The following ADAMTSL1 variants were observed in gnomAD, a reference collection of about 807,000 sequenced individuals.
ADAMTSL1 encodes the protein ADAMTS like 1.
Under a neutral mutation model 201.8 loss-of-function variants are expected in ADAMTSL1, and 126 were observed. That is an observed-to-expected ratio of 0.62 (90% CI 0.54 to 0.72). The LOEUF is 0.72. ADAMTSL1 is among the 30% of genes least tolerant of loss of function. The probability of loss-of-function intolerance (pLI) is 0.00; values close to 1 mark genes in which losing one functional copy is unlikely to be tolerated. For synonymous variants in ADAMTSL1, 1,121 were observed against 903.4 expected (o/e 1.24, Z -4.32); for missense variants, 2,679 against 2,277.8 (o/e 1.18, Z -3.59).
chr9:18,680,475 A>G lies in ADAMTSL1; in HGVS notation c.1300A>G (p.Ile434Val), dbSNP rs1830402299. The G allele has an allele frequency of 2.5e-6, 4 of 1,614,106 alleles. No individual in the cohort carries two copies. The highest frequency in any genetic ancestry group is 3.4e-6 in the Non-Finnish European group (4 of 1,180,020). Residue 434 changes from isoleucine to valine, a missense_variant, in exon 11 of 29, where the codon ATT (isoleucine) becomes GTT (valine). Physicochemically the swap from Ile to Val is conservative, Grantham distance 29. Transcript: ENST00000380548. The part of the protein sequence containing the change: ...PKMPIAQPCN[I>V]FDCPKWLAQE... ...GATGCCCATCGCGCAGCCCTGCAAC[A>G]TTTTTGACTGCCCTAAATGGCTGGC...
At chr9:18,503,841 A>C (rs949038478) in intron 1 of ADAMTSL1, among the ~76,000 whole-genome samples, 1 of 152,176 alleles carries the variant, frequency 6.6e-6, no homozygotes, top group Non-Finnish European at 1.5e-5. Context: ...AGGAGTAGTC[A>C]GTTTAATAAC....
In ADAMTSL1 at chr9:18,857,568, T is replaced by C. The variant is rs191267628; in HGVS notation, c.4249+27591T>C. 3.8e-3 allele frequency among the ~76,000 whole-genome samples: 578 copies of C among 152,338 alleles called. 4 individuals carry two copies. The highest frequency in any genetic ancestry group is 0.013 in the African/African-American group (526 of 41,564). Reference sequence around the variant, plus strand: ...CTTCTTATCACACCCAATCACATGATTATGATTTCCTTTATACCATGACTG... The same window carrying C: ...CTTCTTATCACACCCAATCACATGACTATGATTTCCTTTATACCATGACTG... On this transcript the variant is annotated intron_variant, in intron 23 of 28. Coordinates refer to ENST00000380548, the MANE Select transcript of ADAMTSL1 (RefSeq NM_001040272.6).
intron 2 of ADAMTSL1, among the ~76,000 whole-genome samples, chr9:18,206,017 G>T (rs1264832113): frequency 1.7e-5 from 2 of 117,638 alleles, no homozygotes; most frequent in Admixed American, 1.2e-4. Flanking sequence ...TCACGTCATT[G>T]CACCTCACCC....
At chr9:18,219,189 C>G (rs560332668) in intron 2 of ADAMTSL1, among the ~76,000 whole-genome samples, 6 of 151,750 alleles carry the variant, frequency 4.0e-5, no homozygotes, top group Admixed American at 2.6e-4. Context: ...TTTTTTAACT[C>G]TTCAATTTGG....
At chr9:18,434,653 C>T (rs567485145) in intron 2 of ADAMTSL1, among the ~76,000 whole-genome samples, 2 of 152,284 alleles carry the variant, frequency 1.3e-5, no homozygotes, top group South Asian at 2.1e-4. Flanking sequence ...CATCTCTATC[C>T]TGAAGACAGA....
At chr9:18,490,307 G>A (rs572921417) in intron 1 of ADAMTSL1, among the ~76,000 whole-genome samples, 17 of 152,200 alleles carry the variant, frequency 1.1e-4, no homozygotes, top group African/African-American at 4.1e-4. Flanking sequence ...AGCAGAATAG[G>A]TGGCAGAGGC....
At chr9:18,009,990 C>T (rs1466539010) in intron 1 of ADAMTSL1, among the ~76,000 whole-genome samples, 2 of 152,016 alleles carry the variant, frequency 1.3e-5, no homozygotes, top group African/African-American at 2.4e-5. Context: ...GAAGAAACTT[C>T]GAACCCATGC....
At chr9:18,639,229 C>T in intron 6 of ADAMTSL1, 25 bp from the exon 7 acceptor site, 1 of 1,611,362 alleles carries the variant, frequency 6.2e-7, no homozygotes. Context: ...ATCTTTCTCT[C>T]ATCTTCACGT....
chr9:18,775,455 G>C (rs1299096440), intron 17 of ADAMTSL1, among the ~76,000 whole-genome samples: 3 of 152,250 alleles, frequency 2.0e-5, no homozygotes, highest in African/African-American at 7.2e-5. Context: ...GTGAAATACT[G>C]AGCTGGGATT....
rs144854142 is a variant in ADAMTSL1 at position 17,969,781 on chromosome 9, T to C, written c.87+62859T>C. Reference sequence around the variant, plus strand: ...GATAATTTTTGAAGTCTAAAATTTATAAAATATTATTTCCATTAGGCCAGT... The same window carrying C: ...GATAATTTTTGAAGTCTAAAATTTACAAAATATTATTTCCATTAGGCCAGT... On this transcript the variant is annotated intron_variant, in intron 1 of 29. Coordinates refer to the ADAMTSL1 transcript ENST00000680146. Among the ~76,000 whole-genome samples, 592 of 152,202 alleles carry C rather than the reference T, an allele frequency of 3.9e-3. 7 individuals are homozygous for C. Among genetic ancestry groups the C allele is most frequent in the East Asian group, 0.016 (84 of 5,180 alleles).
At chr9:18,854,506 G>A (rs1443687264) in intron 23 of ADAMTSL1, among the ~76,000 whole-genome samples, 1 of 152,194 alleles carries the variant, frequency 6.6e-6, no homozygotes, top group Admixed American at 6.5e-5. Flanking sequence ...GGAGATGGGT[G>A]TGAGGAAGAC....
chr9:18,349,438 C>T (rs1343013405), intron 2 of ADAMTSL1, among the ~76,000 whole-genome samples: 1 of 152,112 alleles, frequency 6.6e-6, no homozygotes, highest in Admixed American at 6.6e-5. Flanking sequence ...CAAATGCTGC[C>T]TCTGTGTCTT....
chr9:17,928,735 T>G (rs1037081138), intron 1 of ADAMTSL1, among the ~76,000 whole-genome samples: 1 of 152,134 alleles, frequency 6.6e-6, no homozygotes, highest in Non-Finnish European at 1.5e-5. Context: ...CAGAGCAAGA[T>G]CCTATCTCTA....
intron 1 of ADAMTSL1, among the ~76,000 whole-genome samples, chr9:17,999,585 C>A (rs1264118785): frequency 1.3e-5 from 2 of 150,558 alleles, no homozygotes; most frequent in Non-Finnish European, 3.0e-5. Context: ...AGTGTGCCCC[C>A]CAGAAAATAT....
chr9:18,908,246 C>T (rs1204464987), intron 28 of ADAMTSL1, 196 bp from the exon 29 acceptor site: 1 of 603,382 alleles, frequency 1.7e-6, no homozygotes, highest in Admixed American at 2.4e-5. Context: ...CTGGTGCCAC[C>T]CCTGCTGTTG....
intron 2 of ADAMTSL1, among the ~76,000 whole-genome samples, chr9:18,388,813 G>A (rs1270474046): frequency 6.6e-6 from 1 of 151,668 alleles, no homozygotes; most frequent in Non-Finnish European, 1.5e-5. Flanking sequence ...CTGGAGTGCA[G>A]TAGTGCCCTC....
intron 17 of ADAMTSL1, among the ~76,000 whole-genome samples, chr9:18,771,166 A>T (rs1229886552): frequency 2.0e-5 from 3 of 152,172 alleles, no homozygotes; most frequent in African/African-American, 7.2e-5. Flanking sequence ...GTCTCTATTC[A>T]GGAAGGGCAA....
intron 2 of ADAMTSL1, among the ~76,000 whole-genome samples, chr9:18,304,887 A>G (rs1482724193): frequency 2.6e-5 from 4 of 152,196 alleles, no homozygotes; most frequent in Admixed American, 1.3e-4. Flanking sequence ...CTAAGAAAAT[A>G]TGTACTTAAA....
chr9:18,826,965 C>G (rs1824612228), intron 22 of ADAMTSL1, among the ~76,000 whole-genome samples: 1 of 152,032 alleles, frequency 6.6e-6, no homozygotes, highest in Non-Finnish European at 1.5e-5. Flanking sequence ...AACATAAGAA[C>G]CCCTGATTAA....
Sources: gnomAD v4.1 joint callset for allele counts (sites outside exome capture counted in the v4.1 genomes callset) on GRCh38, gnomAD v4.1.1 for gene constraint, MANE v1.5 for transcripts, NCBI Gene and HGNC (gene_info 2026-07-23, HGNC 2026-07-21) for gene names.